Variants in CPAMD8 observed in about 807,000 individuals in gnomAD.
The protein encoded by CPAMD8 is C3 and PZP like alpha-2-macroglobulin domain containing 8.
In CPAMD8, 146 loss-of-function variants were observed where a neutral mutation model predicts 224.7. The ratio of observed to expected loss-of-function variants is 0.65; its 90% CI spans 0.57 to 0.75. The LOEUF is 0.75. Ranked by LOEUF, CPAMD8 falls within the 30% of genes least tolerant of loss-of-function variation. The pLI is 0.00. For synonymous variants in CPAMD8, 966 were observed against 1,044.6 expected, an observed-to-expected ratio of 0.92 and a Z score of 1.45; for missense variants, 2,301 against 2,537.5, an observed-to-expected ratio of 0.91 and a Z score of 2.00.
chr19:16,895,815 T>G (rs754530139), intron 41 of CPAMD8: 2 of 452,650 alleles, frequency 4.4e-6, no homozygotes, highest in South Asian at 1.6e-5. Context: ...TTCTGAAATG[T>G]GAAAAAATCT....
chr19:16,914,862 C>T (rs753836218), intron 27 of CPAMD8, 49 bp from the exon 28 acceptor site: 48 of 1,415,084 alleles, frequency 3.4e-5, no homozygotes, highest in Non-Finnish European at 4.5e-5. Context: ...TGGTCAGCCC[C>T]CACATGCTGG....
intron 26 of CPAMD8, 98 bp downstream of exon 26, chr19:16,925,098 A>T: frequency 7.7e-7 from 1 of 1,300,594 alleles, no homozygotes; most frequent in Non-Finnish European, 1.1e-6. Flanking sequence ...CCTTTGCTGC[A>T]CCTGGTGTGT....
chr19:16,960,407 G>A (rs186087986), intron 18 of CPAMD8, among the ~76,000 whole-genome samples: 40 of 151,478 alleles, frequency 2.6e-4, no homozygotes, highest in African/African-American at 8.5e-4. Flanking sequence ...AGGAGGACTG[G>A]AAAATCAAAT....
In CPAMD8 at chr19:17,026,790, C is replaced by A. The variant is rs900395418; in HGVS notation, c.-148G>T. 3.0e-4 allele frequency: 331 copies of A among 1,100,928 alleles called. No homozygotes were observed. The highest frequency in any genetic ancestry group is 3.9e-4 in the Middle Eastern group (1 of 2,572). The allele number at this position is 1,100,928 out of a possible 1,614,324, so 68.2% of individuals were successfully genotyped here. A position where few individuals can be genotyped will look rare whatever the true frequency, so the allele number is the denominator to read the frequency against. ...GCAGTGCGCCCGGCGCCATGCGCCC[C>A]GCTCCGCGCCCGGCCAAGCTGGGGC... On this transcript the variant is annotated 5_prime_UTR_variant, in exon 1 of 42. Transcript: ENST00000443236.
chr19:16,962,677 A>G (rs1306615482), intron 18 of CPAMD8, among the ~76,000 whole-genome samples: 1 of 152,220 alleles, frequency 6.6e-6, no homozygotes, highest in Non-Finnish European at 1.5e-5. Context: ...ATTCAAATTC[A>G]GGAAATAAAG....
chr19:16,969,873 C>CAA (rs768905816), intron 18 of CPAMD8, among the ~76,000 whole-genome samples: 19,947 of 68,686 alleles, frequency 0.29, 2,323 homozygotes, highest in African/African-American at 0.35. Flanking sequence ...GGCTCCATCT[C>CAA]AAAAAAAAAA....
intron 20 of CPAMD8, among the ~76,000 whole-genome samples, chr19:16,951,474 G>T (rs2054294193): frequency 6.6e-6 from 1 of 152,172 alleles, no homozygotes; most frequent in Admixed American, 6.5e-5. Flanking sequence ...TATCTATTCA[G>T]GTAAGAGATC....
chr19:16,980,704 C>A lies in CPAMD8; in HGVS notation c.1396-18G>T. 2.6e-6 allele frequency: 4 copies of A among 1,510,286 alleles called. No homozygotes were observed. Among genetic ancestry groups the A allele is most frequent in the South Asian group, 1.3e-5 (1 of 75,104 alleles). The allele number at this position is 1,510,286 out of a possible 1,614,324, so 93.6% of individuals were successfully genotyped here. On this transcript the variant is annotated intron_variant, in intron 13 of 41. Transcript: ENST00000443236. ...TCCCCAACCTATGGAAGACACGCAG[C>A]ATGGGGGGCTCTGCCTCGCACCAAT...
At chr19:16,992,658 G>C (rs2055995669) in intron 12 of CPAMD8, among the ~76,000 whole-genome samples, 1 of 151,352 alleles carries the variant, frequency 6.6e-6, no homozygotes, top group Admixed American at 6.6e-5. Flanking sequence ...TGCCATGTTG[G>C]CCAGGCTGGT....
chr19:17,020,184 G>A, intron 3 of CPAMD8, 147 bp downstream of exon 3: 1 of 661,400 alleles, frequency 1.5e-6, no homozygotes, highest in East Asian at 2.9e-5. Context: ...ATGTTGCCCA[G>A]GCTGATCTCG....
At chr19:16,902,040 A>C (rs2052279102) in intron 35 of CPAMD8, among the ~76,000 whole-genome samples, 1 of 152,080 alleles carries the variant, frequency 6.6e-6, no homozygotes, top group African/African-American at 2.4e-5. Flanking sequence ...ATGGCAACAA[A>C]CATCTTCTTA....
In CPAMD8 at chr19:16,914,765, G is replaced by A; in HGVS notation, c.3678C>T (p.Ile1226=). The change falls in exon 28 of 42, where the codon ATC becomes ATT. Residue 1226 remains isoleucine, a synonymous_variant. Transcript: ENST00000443236. ...LKSFAQARSF[I]FVDPRELAAA... is the part of the protein sequence containing the mutation. ...CAGCCAGCTCCCGGGGGTCCACGAAGATAAAGCTGCGAGCCTGTGCGAAGG... is the reference window on the plus strand; with the variant it reads ...CAGCCAGCTCCCGGGGGTCCACGAAAATAAAGCTGCGAGCCTGTGCGAAGG... 1 of 1,614,094 alleles carries A rather than the reference G, an allele frequency of 6.2e-7. No homozygotes were observed. The highest frequency in any genetic ancestry group is 8.5e-7 in the Non-Finnish European group (1 of 1,180,004).
At position 16,903,549 on chromosome 19, in the gene CPAMD8, C is replaced by T. The variant is rs763268586; in HGVS notation, c.4470+12G>A. The stretch of plus-strand genomic sequence containing the variant: ...CAAGCCCAAGATCACCTCGTGCTCC[C>T]CAAAACCTCACCTGCATCAGGCAGC... On this transcript the variant is annotated intron_variant, in intron 34 of 41. Transcript: ENST00000443236. The T allele has an allele frequency of 3.8e-5, 61 of 1,614,000 alleles. No individual in the cohort carries two copies. In the South Asian group the frequency reaches 6.6e-4, roughly 17 times the overall value.
At chr19:16,975,972 C>A in intron 16 of CPAMD8, 30 bp downstream of exon 16, 1 of 1,533,260 alleles carries the variant, frequency 6.5e-7, no homozygotes, top group South Asian at 1.2e-5. Flanking sequence ...CCGTGGAGGT[C>A]TAGAACCCAA....
chr19:16,938,530 CA>C, intron 22 of CPAMD8, 84 bp from the exon 23 acceptor site: 1 of 718,574 alleles, frequency 1.4e-6, no homozygotes, highest in East Asian at 2.9e-5. Flanking sequence ...TCTCCCACAG[CA>C]ATGACTTCAA....
At chr19:17,021,893 C>CA in intron 2 of CPAMD8, 137 bp downstream of exon 2, 1 of 616,398 alleles carries the variant, frequency 1.6e-6, no homozygotes, top group Non-Finnish European at 2.7e-6. Flanking sequence ...TCTTCCCTCC[C>CA]TCCCTCCCAT....
intron 2 of CPAMD8, among the ~76,000 whole-genome samples, chr19:17,021,650 G>A (rs1433251440): frequency 2.0e-5 from 3 of 152,190 alleles, no homozygotes; most frequent in Non-Finnish European, 4.4e-5. Flanking sequence ...GTGAGCCCAG[G>A]TCTGAGTCTA....
intron 17 of CPAMD8, among the ~76,000 whole-genome samples, chr19:16,974,166 C>G (rs1027172064): frequency 4.0e-5 from 6 of 151,622 alleles, no homozygotes; most frequent in Admixed American, 3.9e-4. Context: ...GAGTCTCGCT[C>G]TGTCGCCCAG....
chr19:16,923,107 G>C (rs1042077462), intron 26 of CPAMD8, among the ~76,000 whole-genome samples: 2 of 152,246 alleles, frequency 1.3e-5, no homozygotes. Context: ...GCCGGGGACA[G>C]GGAACGGAGC....
Sources: gnomAD v4.1 joint callset for allele counts (sites outside exome capture counted in the v4.1 genomes callset) on GRCh38, gnomAD v4.1.1 for gene constraint, MANE v1.5 for transcripts, NCBI Gene and HGNC (gene_info 2026-07-23, HGNC 2026-07-21) for gene names.